Variants in CPA6 observed in about 807,000 individuals in gnomAD.
CPA6 encodes carboxypeptidase B.
Under a neutral mutation model 63.3 loss-of-function variants are expected in CPA6, and 58 were observed. The observed-to-expected ratio is 0.92, with a 90% CI of 0.74 to 1.14. The LOEUF (loss-of-function observed/expected upper bound fraction) is 1.14. Among genes scored for constraint, CPA6 ranks in the 50% most tolerant of loss-of-function variants. The pLI, the probability that CPA6 is intolerant of heterozygous loss-of-function variation, is 0.00. For missense variants in CPA6, 565 were observed against 526.6 expected (o/e 1.07, Z -0.71); for synonymous variants, 185 against 179.0 (o/e 1.03, Z -0.27).
intron 1 of CPA6, among the ~76,000 whole-genome samples, chr8:67,706,401 T>TA (rs1437983575): frequency 6.6e-6 from 1 of 152,166 alleles, no homozygotes; most frequent in Non-Finnish European, 1.5e-5. Flanking sequence ...GTTAACAGTG[T>TA]AATTTGTACA....
intron 1 of CPA6, among the ~76,000 whole-genome samples, chr8:67,740,051 C>T (rs1817883997): frequency 6.6e-6 from 1 of 152,180 alleles, no homozygotes; most frequent in South Asian, 2.1e-4. Context: ...TATTTGAAGA[C>T]ATGGAATAAA....
chr8:67,434,296 C>A (rs777929597), intron 8 of CPA6, 56 bp from the exon 9 acceptor site: 28 of 1,321,464 alleles, frequency 2.1e-5, no homozygotes, highest in Non-Finnish European at 3.0e-5. Context: ...AAACAAGAAA[C>A]ACAAATCAGC....
intron 1 of CPA6, among the ~76,000 whole-genome samples, chr8:67,712,492 G>A (rs1587721148): frequency 6.6e-6 from 1 of 152,044 alleles, no homozygotes; most frequent in East Asian, 1.9e-4. Context: ...TTGCACACAA[G>A]CAGCAAGATA....
At chr8:67,463,906 T>G (rs1810868542) in intron 8 of CPA6, among the ~76,000 whole-genome samples, 2 of 152,238 alleles carry the variant, frequency 1.3e-5, no homozygotes, top group African/African-American at 4.8e-5. Context: ...TATCACATTT[T>G]TAAAATCCAG....
At position 67,582,463 on chromosome 8, in the gene CPA6, G is replaced by A. The variant is rs139214810; in HGVS notation, c.192+41713C>T. Among the ~76,000 whole-genome samples the A allele has an allele frequency of 1.1e-4, 16 of 152,292 alleles. No individual in the cohort carries two copies. In the East Asian group the frequency reaches 2.9e-3, roughly 28 times the overall value. On this transcript the variant is annotated intron_variant, in intron 2 of 10. Coordinates refer to ENST00000297770, the MANE Select transcript of CPA6 (RefSeq NM_020361.5). ...GGCAGATGAAAAATATTGAAGTGCC[G>A]TTAGCATGAAAATAGCAGACTATTC... is the stretch of plus-strand genomic sequence containing the variant.
At chr8:67,675,500 A>G (rs1816451514) in intron 1 of CPA6, among the ~76,000 whole-genome samples, 3 of 151,380 alleles carry the variant, frequency 2.0e-5, no homozygotes, top group Admixed American at 2.0e-4. Flanking sequence ...TTGTCCTTCC[A>G]CCCCTCCCCT....
At chr8:67,585,773 A>T (rs1415144015) in intron 2 of CPA6, among the ~76,000 whole-genome samples, 2 of 152,184 alleles carry the variant, frequency 1.3e-5, no homozygotes, top group East Asian at 3.8e-4. Flanking sequence ...TAATTAGTAT[A>T]CTAAGTCCTA....
chr8:67,706,147 G>T (rs1036512810), intron 1 of CPA6, among the ~76,000 whole-genome samples: 1 of 152,122 alleles, frequency 6.6e-6, no homozygotes, highest in Non-Finnish European at 1.5e-5. Context: ...CAATTTTAAA[G>T]GTTATTAGGC....
chr8:67,652,533 A>T (rs572506958), intron 1 of CPA6, among the ~76,000 whole-genome samples: 113 of 151,714 alleles, frequency 7.4e-4, no homozygotes, highest in South Asian at 4.4e-3. Flanking sequence ...TGGCTGCATA[A>T]ATGTCTTCTT....
intron 2 of CPA6, among the ~76,000 whole-genome samples, chr8:67,542,707 T>G (rs4737845): frequency 1.3e-5 from 2 of 152,020 alleles, no homozygotes; most frequent in Non-Finnish European, 2.9e-5. Flanking sequence ...TGCCAGATAA[T>G]AGCAGCTGAA....
chr8:67,719,898 G>A (rs544247673), intron 1 of CPA6, among the ~76,000 whole-genome samples: 11 of 152,254 alleles, frequency 7.2e-5, no homozygotes, highest in African/African-American at 2.4e-4. Flanking sequence ...AGAAGTTGGC[G>A]TCCATGCATC....
chr8:67,461,136 A>C (rs1810792822), intron 8 of CPA6, among the ~76,000 whole-genome samples: 1 of 146,482 alleles, frequency 6.8e-6, no homozygotes, highest in African/African-American at 2.6e-5. Context: ...TCGTAGGACA[A>C]TAGTGGAGGG....
intron 1 of CPA6, among the ~76,000 whole-genome samples, chr8:67,671,388 G>A (rs573025053): frequency 2.0e-5 from 3 of 152,270 alleles, no homozygotes; most frequent in African/African-American, 7.2e-5. Context: ...AGCAGGAGTG[G>A]CTCTTCACCA....
intron 2 of CPA6, among the ~76,000 whole-genome samples, chr8:67,592,832 C>G (rs1814172521): frequency 1.3e-5 from 2 of 152,166 alleles, no homozygotes; most frequent in Non-Finnish European, 2.9e-5. Context: ...TTTCAAAAAA[C>G]CAGCTCCTGG....
At chr8:67,468,776 A>G (rs569604731) in intron 8 of CPA6, among the ~76,000 whole-genome samples, 2 of 152,096 alleles carry the variant, frequency 1.3e-5, no homozygotes, top group Non-Finnish European at 2.9e-5. Context: ...GTGGCATGGA[A>G]CCTCAGCATG....
chr8:67,557,670 C>T (rs1044717621), intron 2 of CPA6, among the ~76,000 whole-genome samples: 2 of 152,108 alleles, frequency 1.3e-5, no homozygotes, highest in East Asian at 1.9e-4. Context: ...TCAGCCAGTG[C>T]CCCCCTCAGA....
At chr8:67,493,387 C>A (rs1419470563) in intron 6 of CPA6, among the ~76,000 whole-genome samples, 1 of 152,078 alleles carries the variant, frequency 6.6e-6, no homozygotes, top group Non-Finnish European at 1.5e-5. Context: ...GGGAGAAGAG[C>A]CTTCCCCTTC....
chr8:67,548,297 C>G (rs945975727), intron 2 of CPA6, among the ~76,000 whole-genome samples: 3 of 148,886 alleles, frequency 2.0e-5, no homozygotes, highest in East Asian at 2.0e-4. Flanking sequence ...TATTGCCCAG[C>G]CTGGAGCACA....
chr8:67,650,571 A>G (rs1815813486), intron 1 of CPA6, among the ~76,000 whole-genome samples: 1 of 152,134 alleles, frequency 6.6e-6, no homozygotes. Flanking sequence ...ACATCCATGA[A>G]TAAATCATGG....
Sources: allele counts gnomAD v4.1 joint callset (sites outside exome capture counted in the v4.1 genomes callset), GRCh38; gene constraint gnomAD v4.1.1; transcripts MANE v1.5; gene names NCBI Gene and HGNC (gene_info 2026-07-23, HGNC 2026-07-21).